The following LRP2 variants were observed in gnomAD, a reference collection of about 807,000 sequenced individuals.
LRP2 encodes the protein LDL receptor related protein 2, also known as low-density lipoprotein receptor-related protein 2.
In LRP2, 172 loss-of-function variants were observed where a neutral mutation model predicts 531.0. The ratio of observed to expected loss-of-function variants is 0.32; its 90% CI spans 0.29 to 0.37. LRP2 has a LOEUF of 0.37. Among genes scored for constraint, LRP2 ranks in the 10% least tolerant of loss-of-function variants. The pLI is 1.00. For synonymous variants in LRP2, 1,992 were observed against 2,027.6 expected (o/e 0.98, Z 0.47); for missense variants, 5,167 against 5,868.3 (o/e 0.88, Z 3.90).
rs1683745656 is a variant in LRP2, at chr2:169,282,938, T to G, written c.1106A>C (p.His369Pro). The G allele has an allele frequency of 6.2e-7, 1 of 1,614,032 alleles. No homozygotes were observed. The highest frequency in any genetic ancestry group is 1.3e-5 in the African/African-American group (1 of 74,938). Residue 369 changes from histidine (H) to proline (P), a missense_variant, in exon 10 of 79, where the codon CAC becomes CCC. Physicochemically the swap from His to Pro is moderately conservative, Grantham distance 77. Coordinates refer to ENST00000649046, the MANE Select transcript of LRP2 (RefSeq NM_004525.3). ...ATACCCTTCTTCACAGTGGCACAGGTGACGGCCAGGTCGGCTTTCACACTT... is the reference window on the plus strand; with the variant it reads ...ATACCCTTCTTCACAGTGGCACAGGGGACGGCCAGGTCGGCTTTCACACTT... ...DQKCESRPGRHLCHCEEGYIL... is the reference protein window; with the variant it reads ...DQKCESRPGRPLCHCEEGYIL...
intron 48 of LRP2, among the ~76,000 whole-genome samples, chr2:169,190,858 G>C (rs1370251576): frequency 1.3e-5 from 2 of 152,208 alleles, no homozygotes; most frequent in Non-Finnish European, 2.9e-5. Context: ...AATCAGGATT[G>C]AAACTTACAA....
rs992423590 is a variant in LRP2 at position 169,128,486 on chromosome 2, T to C, written c.*177A>G. ...CATATAGTACATTGTGATAATTATT[T>C]GTAAAAATATGAGACGGCATAAGTA... On this transcript the variant is annotated 3_prime_UTR_variant, in exon 79 of 79. Coordinates refer to ENST00000649046, the MANE Select transcript of LRP2 (RefSeq NM_004525.3). 4 of 608,970 alleles carry C rather than the reference T, an allele frequency of 6.6e-6. No homozygotes were observed. Among genetic ancestry groups the C allele is most frequent in the Non-Finnish European group, 1.2e-5 (4 of 347,234 alleles). The allele number at this position is 608,970 out of a possible 1,614,324, so 37.7% of individuals were successfully genotyped here.
chr2:169,327,203 T>C (rs1196001249), intron 1 of LRP2, among the ~76,000 whole-genome samples: 221 of 55,752 alleles, frequency 4.0e-3, no homozygotes, highest in South Asian at 8.0e-3. Flanking sequence ...GCCCCCCGCC[T>C]GGCCAGCCGC....
chr2:169,271,013 C>T lies in LRP2; in HGVS notation c.2211G>A (p.Ser737=), dbSNP rs370840413. 37 of 1,613,016 alleles carry T rather than the reference C, an allele frequency of 2.3e-5. No individual in the cohort carries two copies. In the African/African-American group the frequency reaches 2.9e-4, roughly 13 times the overall value. Residue 737 remains serine (S), a synonymous_variant, in exon 16 of 79, where the codon TCG becomes TCA. Coordinates refer to ENST00000649046, the MANE Select transcript of LRP2 (RefSeq NM_004525.3). ...STQEDVMVPV[S]GNPSFFVGID... The stretch of plus-strand genomic sequence containing the variant: ...TCCCGACAAAGAAAGAAGGATTCCC[C>T]GAAACTGGAACCATGACATCTTCCT...
Position 169,216,390 on chromosome 2 carries a change from GA to G in LRP2, c.5688del (p.Pro1897LeufsTer14). On this transcript the variant is annotated frameshift_variant, in exon 35 of 79. Transcript: ENST00000649046. LOFTEE classifies it high-confidence loss of function. ...YWSDQGTDSGVPAKIASANMD... is the reference protein window; with the variant it reads ...YWSDQGTDSGXPAKIASANMD... ...ATGTTAGCACTGGCGATCTTGGCAG[GA>G]ACCCCACTGTCAGTTCCTTGGTCTG... 6.2e-7 allele frequency: 1 copy of G among 1,613,584 alleles called. No individual in the cohort carries two copies. Among genetic ancestry groups the G allele is most frequent in the East Asian group, 2.2e-5 (1 of 44,870 alleles).
chr2:169,145,300 A>T (rs1357992288), intron 70 of LRP2, among the ~76,000 whole-genome samples: 1 of 152,238 alleles, frequency 6.6e-6, no homozygotes, highest in Non-Finnish European at 1.5e-5. Flanking sequence ...AGGAATGCAC[A>T]TGACTGGCCA....
intron 3 of LRP2, among the ~76,000 whole-genome samples, chr2:169,314,612 G>A (rs1009046776): frequency 1.3e-5 from 2 of 152,006 alleles, no homozygotes; most frequent in African/African-American, 2.4e-5. Context: ...TGTTTAATTA[G>A]CAAAATGGTG....
At chr2:169,189,008 C>T (rs1462568386) in intron 48 of LRP2, among the ~76,000 whole-genome samples, 4 of 152,140 alleles carry the variant, frequency 2.6e-5, no homozygotes, top group African/African-American at 9.7e-5. Flanking sequence ...GAAGCTATCT[C>T]GGGACCTAAC....
Position 169,362,364 on chromosome 2 carries a change from C to T in LRP2, c.36G>A (p.Leu12=). 6.4e-7 allele frequency: 1 copy of T among 1,570,800 alleles called. No individual in the cohort carries two copies. The highest frequency in any genetic ancestry group is 1.8e-5 in the Admixed American group (1 of 55,068). ...CTAGGCAGGCGACGAGAGCCAGGAG[C>T]AGCGTGCACGCCACTGCTGCCGGCC... The part of the protein sequence containing the change: ...DRGPAAVACT[L]LLALVACLAP... The change falls in exon 1 of 79, where the codon CTG becomes CTA. Residue 12 remains leucine, a synonymous_variant. Coordinates refer to ENST00000649046, the MANE Select transcript of LRP2 (RefSeq NM_004525.3).
At chr2:169,306,593 C>A (rs2105491163) in intron 4 of LRP2, among the ~76,000 whole-genome samples, 1 of 152,146 alleles carries the variant, frequency 6.6e-6, no homozygotes, top group Admixed American at 6.6e-5. Flanking sequence ...AGATTAAAGA[C>A]AATTATATGG....
At chr2:169,158,056 T>TTATATA (rs143892285) in intron 63 of LRP2, among the ~76,000 whole-genome samples, 70 of 87,860 alleles carry the variant, frequency 8.0e-4, no homozygotes, top group African/African-American at 2.6e-3. Flanking sequence ...GACCAATTGA[T>TTATATA]TATATACACA....
At chr2:169,182,354 C>T in intron 50 of LRP2, 35 bp from the exon 51 acceptor site, 1 of 1,610,882 alleles carries the variant, frequency 6.2e-7, no homozygotes, top group African/African-American at 1.3e-5. Flanking sequence ...CCAATACAGT[C>T]ACTTTGTGAA....
At position 169,280,485 on chromosome 2, in the gene LRP2, C is replaced by T. The variant is rs1161363709; in HGVS notation, c.1206G>A (p.Arg402=). The stretch of plus-strand genomic sequence containing the variant: ...CATGAATATCACCAATTAACAAATC[C>T]CGACCATTGGAGAAGATAATGGAGG... ...GEASIIFSNG[R]DLLIGDIHGR... The change falls in exon 11 of 79, where the codon CGG becomes CGA. Residue 402 remains arginine, a synonymous_variant. Transcript: ENST00000649046. The T allele has an allele frequency of 6.2e-7, 1 of 1,614,122 alleles. No homozygotes were observed.
intron 9 of LRP2, 63 bp from the exon 10 acceptor site, chr2:169,283,064 C>G: frequency 6.4e-7 from 1 of 1,571,890 alleles, no homozygotes; most frequent in South Asian, 1.1e-5. Context: ...CACTCTCTGA[C>G]AAAAATCCTA....
rs1157751928 is a variant in LRP2, at chr2:169,177,819, T to C, written c.10377A>G (p.Pro3459=). The change falls in exon 53 of 79, where the codon CCA becomes CCG. Residue 3459 remains proline, a synonymous_variant. Transcript: ENST00000649046. Reference sequence around the variant, plus strand: ...CCTACTCACCAATGGGCTGCCTATATGGATGGTACACATGGATGTCAAATG... The same window carrying C: ...CCTACTCACCAATGGGCTGCCTATACGGATGGTACACATGGATGTCAAATG... The part of the protein sequence containing the change: ...HRPFDIHVYH[P]YRQPIVSNPC... 3 of 1,614,238 alleles carry C rather than the reference T, an allele frequency of 1.9e-6. No homozygotes were observed. Among genetic ancestry groups the C allele is most frequent in the Admixed American group, 3.3e-5 (2 of 60,030 alleles).
chr2:169,187,785 C>CA (rs1052569630), intron 49 of LRP2, among the ~76,000 whole-genome samples, 185 bp downstream of exon 49: 4 of 152,044 alleles, frequency 2.6e-5, no homozygotes, highest in Admixed American at 2.0e-4. Context: ...AGAATTGGTC[C>CA]AAAAAAATGT....
At chr2:169,256,261 T>A (rs543356091) in intron 18 of LRP2, 25 bp from the exon 19 acceptor site, 5 of 1,605,506 alleles carry the variant, frequency 3.1e-6, no homozygotes, top group South Asian at 1.1e-5. Flanking sequence ...TATTTAGTTA[T>A]CTCTTATCCA....
At chr2:169,297,655 A>C (rs749876147) in intron 4 of LRP2, among the ~76,000 whole-genome samples, 1 of 152,184 alleles carries the variant, frequency 6.6e-6, no homozygotes, top group Non-Finnish European at 1.5e-5. Flanking sequence ...TTATGCAGAC[A>C]AGAGTTTTTA....
At chr2:169,208,961 G>A (rs1188670829) in intron 38 of LRP2, among the ~76,000 whole-genome samples, 3 of 152,060 alleles carry the variant, frequency 2.0e-5, no homozygotes, top group African/African-American at 7.2e-5. Flanking sequence ...ACTGGACCAG[G>A]CATTTAAAAA....
Sources: gnomAD v4.1 joint callset for allele counts (sites outside exome capture counted in the v4.1 genomes callset) on GRCh38, gnomAD v4.1.1 for gene constraint, MANE v1.5 for transcripts, NCBI Gene and HGNC (gene_info 2026-07-23, HGNC 2026-07-21) for gene names.